The following CCR5AS variants were observed in gnomAD, a reference collection of about 807,000 sequenced individuals.
The protein encoded by CCR5AS is CCR5 antisense RNA.
chr3:46,392,247 G>A (rs1454579766), intron 2 of CCR5AS, among the ~76,000 whole-genome samples: 1 of 152,102 alleles, frequency 6.6e-6, no homozygotes, highest in African/African-American at 2.4e-5. Flanking sequence ...TCTTTTCAAG[G>A]GCCTGTTTCC....
chr3:46,384,237 C>T (rs1322662952), intron 2 of CCR5AS, among the ~76,000 whole-genome samples: 1 of 152,220 alleles, frequency 6.6e-6, no homozygotes, highest in African/African-American at 2.4e-5. Flanking sequence ...GTGATGTTTA[C>T]ATAGCATACA....
intron 2 of CCR5AS, chr3:46,376,269 G>C (rs1336339580): frequency 6.5e-6 from 1 of 154,080 alleles, no homozygotes; most frequent in Non-Finnish European, 1.5e-5. Context: ...AAAACTGCCA[G>C]AGCATTTTAT....
chr3:46,381,565 G>A (rs916146465), intron 2 of CCR5AS, among the ~76,000 whole-genome samples: 6 of 152,120 alleles, frequency 3.9e-5, no homozygotes, highest in Admixed American at 6.5e-5. Context: ...ACTGCATACC[G>A]CTGAATATAA....
chr3:46,385,072 A>T (rs1170374643), intron 2 of CCR5AS, among the ~76,000 whole-genome samples: 1 of 152,182 alleles, frequency 6.6e-6, no homozygotes, highest in Non-Finnish European at 1.5e-5. Flanking sequence ...CCACTGGAGC[A>T]GAAGCAAAGC....
At chr3:46,384,599 C>T (rs980886104) in intron 2 of CCR5AS, among the ~76,000 whole-genome samples, 2 of 152,010 alleles carry the variant, frequency 1.3e-5, no homozygotes, top group Non-Finnish European at 2.9e-5. Flanking sequence ...TGAACAGTGT[C>T]GGGATAAGGC....
At chr3:46,397,068 G>A (rs190451924) in intron 1 of CCR5AS, among the ~76,000 whole-genome samples, 2 of 152,334 alleles carry the variant, frequency 1.3e-5, no homozygotes, top group African/African-American at 4.8e-5. Context: ...GAAAGGAGGA[G>A]TGGGGGCAAG....
At chr3:46,391,362 G>A (rs1459432017) in intron 2 of CCR5AS, among the ~76,000 whole-genome samples, 1 of 152,184 alleles carries the variant, frequency 6.6e-6, no homozygotes, top group African/African-American at 2.4e-5. Flanking sequence ...TTCTATTATT[G>A]TACACCTTAA....
At chr3:46,365,635 A>G (rs2106733793) in intron 3 of CCR5AS, among the ~76,000 whole-genome samples, 1 of 152,286 alleles carries the variant, frequency 6.6e-6, no homozygotes, top group South Asian at 2.1e-4. Context: ...GTTGGTCAAG[A>G]TGCCCCAGAG....
At chr3:46,385,423 G>A (rs1701852278) in intron 2 of CCR5AS, among the ~76,000 whole-genome samples, 1 of 152,184 alleles carries the variant, frequency 6.6e-6, no homozygotes, top group Non-Finnish European at 1.5e-5. Flanking sequence ...TGTGAGCCAA[G>A]GCTGGTTAAA....
chr3:46,383,246 T>G (rs1277073401), intron 2 of CCR5AS, among the ~76,000 whole-genome samples: 5 of 152,200 alleles, frequency 3.3e-5, no homozygotes, highest in Non-Finnish European at 5.9e-5. Flanking sequence ...TGCTTGGTCT[T>G]CTGTAGCTCC....
intron 3 of CCR5AS, among the ~76,000 whole-genome samples, chr3:46,368,918 T>C (rs1701628154): frequency 6.6e-6 from 1 of 152,102 alleles, no homozygotes; most frequent in Non-Finnish European, 1.5e-5. Flanking sequence ...CAAACAGAAA[T>C]ACAGTGTTGG....
Position 46,373,264 on chromosome 3 carries a change from T to G in CCR5AS, n.392-1847A>C, listed in dbSNP as rs150497029. On this transcript the variant is annotated intron_variant and non_coding_transcript_variant, in intron 2 of 3. Transcript: ENST00000451485. ...TTCTCTGGAATCTTCTTCATCATCC[T>G]CCTGACAATCGATAGGTACCTGGCT... 494 of 1,614,040 alleles carry G rather than the reference T, an allele frequency of 3.1e-4. 1 individual carries two copies. Among genetic ancestry groups the G allele is most frequent in the Non-Finnish European group, 3.8e-4 (451 of 1,180,026 alleles).
chr3:46,381,741 A>T (rs1422888944), intron 2 of CCR5AS, among the ~76,000 whole-genome samples: 2 of 152,162 alleles, frequency 1.3e-5, no homozygotes, highest in East Asian at 3.9e-4. Context: ...TCAAATAAGG[A>T]CTCTGTTGAT....
chr3:46,392,210 A>G (rs1701919692), intron 2 of CCR5AS, among the ~76,000 whole-genome samples: 1 of 152,170 alleles, frequency 6.6e-6, no homozygotes, highest in South Asian at 2.1e-4. Context: ...CTTAATCAAT[A>G]TGGGAGCTAC....
At chr3:46,367,350 A>C (rs1374068211) in intron 3 of CCR5AS, among the ~76,000 whole-genome samples, 1 of 147,836 alleles carries the variant, frequency 6.8e-6, no homozygotes, top group African/African-American at 2.4e-5. Flanking sequence ...AAATGTCTAC[A>C]CTATAATCTT....
chr3:46,403,533 T>C (rs1452274391), intron 1 of CCR5AS, among the ~76,000 whole-genome samples: 1 of 152,184 alleles, frequency 6.6e-6, no homozygotes, highest in Non-Finnish European at 1.5e-5. Context: ...AGCCATAACC[T>C]CTAAGCTAAG....
chr3:46,377,272 A>G (rs999885292), intron 2 of CCR5AS, among the ~76,000 whole-genome samples: 3 of 152,170 alleles, frequency 2.0e-5, no homozygotes. Flanking sequence ...CCCCAGGCCC[A>G]TGCCTTTACT....
chr3:46,405,115 C>G (rs538556642), intron 1 of CCR5AS, among the ~76,000 whole-genome samples: 12 of 152,314 alleles, frequency 7.9e-5, no homozygotes, highest in African/African-American at 2.6e-4. Context: ...TCAACTGCAG[C>G]CTTCTAAACT....
At chr3:46,383,234 T>C (rs992244614) in intron 2 of CCR5AS, among the ~76,000 whole-genome samples, 1 of 152,180 alleles carries the variant, frequency 6.6e-6, no homozygotes, top group Non-Finnish European at 1.5e-5. Flanking sequence ...CTGTGTTCAA[T>C]TTGCTTGGTC....
Sources: allele counts gnomAD v4.1 joint callset (sites outside exome capture counted in the v4.1 genomes callset), GRCh38; gene constraint gnomAD v4.1.1; transcripts MANE v1.5; gene names NCBI Gene and HGNC (gene_info 2026-07-23, HGNC 2026-07-21).